The following CFAP47 variants were observed in gnomAD, a reference collection of about 807,000 sequenced individuals.
The protein encoded by CFAP47 is cilia- and flagella-associated protein 47.
CFAP47 carries 29 observed loss-of-function variants against 148.1 expected under a neutral mutation model. The ratio of observed to expected loss-of-function variants is 0.20; its 90% CI spans 0.15 to 0.27. The LOEUF is 0.27. Among genes scored for constraint, CFAP47 ranks in the 10% least tolerant of loss-of-function variants. CFAP47 has a pLI of 1.00. For missense variants in CFAP47, 1,872 were observed against 1,697.5 expected (o/e 1.10, Z -1.81); for synonymous variants, 664 against 577.3 (o/e 1.15, Z -2.15).
intron 30 of CFAP47, among the ~76,000 whole-genome samples, chrX:36,090,122 T>G (rs2146781919): frequency 8.9e-6 from 1 of 112,169 alleles, no homozygotes; most frequent in African/African-American, 3.2e-5. Context: ...TAGCCTCACA[T>G]TTATTAGACT....
intron 8 of CFAP47, among the ~76,000 whole-genome samples, chrX:35,964,056 G>A (rs1936369292): frequency 9.0e-6 from 1 of 111,686 alleles, no homozygotes; most frequent in African/African-American, 3.2e-5. Context: ...ACATTTGCCT[G>A]TGCTCTTAAT....
rs779407125 is a variant in CFAP47, at chrX:35,989,447, C to T, written c.2842C>T (p.His948Tyr). The change falls in exon 16 of 64, where the codon CAT becomes TAT. Residue 948 changes from histidine to tyrosine, a missense_variant and splice_region_variant. By Grantham distance (83) the His-to-Tyr change is moderately conservative. Transcript: ENST00000378653. The stretch of plus-strand genomic sequence containing the variant: ...CGCGTTGAAGCTAAAATGTGTTGCA[C>T]ATGTAATTATTTTCCTTGAACATGG... ...GNALKLKCVA[H>Y]LGRTKVLLLQ... The T allele has an allele frequency of 3.3e-6, 4 of 1,210,844 alleles. No individual in the cohort carries two copies. The East Asian group carries it at 1.2e-4, about 36-fold the overall frequency.
At chrX:36,139,949 A>G (rs1939111635) in intron 35 of CFAP47, among the ~76,000 whole-genome samples, 1 of 111,606 alleles carries the variant, frequency 9.0e-6, no homozygotes, top group Admixed American at 9.5e-5. Flanking sequence ...ACTGCAATCA[A>G]TAATTTTAGT....
intron 49 of CFAP47, among the ~76,000 whole-genome samples, chrX:36,263,958 G>A (rs1293698524): frequency 9.0e-6 from 1 of 111,590 alleles, no homozygotes; most frequent in African/African-American, 3.3e-5. Flanking sequence ...AGGGCCCGAG[G>A]ACTCTTCAGT....
At chrX:36,269,589 G>A (rs1332760127) in intron 49 of CFAP47, among the ~76,000 whole-genome samples, 2 of 112,376 alleles carry the variant, frequency 1.8e-5, no homozygotes, top group African/African-American at 6.5e-5. Flanking sequence ...ATACTGCTGA[G>A]CAGTGCTTGC....
rs188999095 is a variant in CFAP47, at chrX:36,103,869, A to G, written c.5128-630A>G. On this transcript the variant is annotated intron_variant, in intron 32 of 63. Coordinates refer to ENST00000378653, the MANE Select transcript of CFAP47 (RefSeq NM_001304548.2). ...ACTTTGAGTAGCTCTGTACTATAGTACTTTACTGACAGACACAGAGTTCTT... is the reference window on the plus strand; with the variant it reads ...ACTTTGAGTAGCTCTGTACTATAGTGCTTTACTGACAGACACAGAGTTCTT... Among the ~76,000 whole-genome samples, 21 of 111,872 alleles carry G rather than the reference A, an allele frequency of 1.9e-4. No homozygotes were observed. In the East Asian group the frequency reaches 4.8e-3, roughly 26 times the overall value.
chrX:36,358,863 C>T (rs1021712079), intron 60 of CFAP47, among the ~76,000 whole-genome samples: 2 of 111,587 alleles, frequency 1.8e-5, no homozygotes, highest in African/African-American at 6.5e-5. Context: ...AACCTTTACT[C>T]ATCCTTCAGT....
rs782636044 is a variant in CFAP47 at position 36,188,666 on chromosome X, G to A, written c.6151G>A (p.Asp2051Asn). 1.0e-5 allele frequency: 3 copies of A among 295,643 alleles called. No homozygotes were observed. The highest frequency in any genetic ancestry group is 1.8e-5 in the Non-Finnish European group (3 of 169,833). The allele number at this position is 295,643 out of a possible 1,213,427, so 24.4% of individuals were successfully genotyped here. A position where few individuals can be genotyped will look rare whatever the true frequency, so the allele number is the denominator to read the frequency against. Reference protein sequence around the residue: ...SGSDTDQGCSDSPNVLHTSIK... With the variant: ...SGSDTDQGCSNSPNVLHTSIK... ...GAGTGACACTGATCAGGGCTGTTCCGATTCCCCAAATGTCTTACATACCTG... is the reference window on the plus strand; with the variant it reads ...GAGTGACACTGATCAGGGCTGTTCCAATTCCCCAAATGTCTTACATACCTG... Residue 2051 changes from aspartate to asparagine, a missense_variant, in exon 41 of 64, where the codon GAT becomes AAT. By Grantham distance (23) the Asp-to-Asn change is conservative. Transcript: ENST00000378653.
intron 60 of CFAP47, among the ~76,000 whole-genome samples, chrX:36,359,735 G>A (rs1337919506): frequency 1.8e-5 from 2 of 110,908 alleles, no homozygotes; most frequent in African/African-American, 6.6e-5. Context: ...TTCATCTGAG[G>A]GTTTTTATCT....
intron 57 of CFAP47, among the ~76,000 whole-genome samples, chrX:36,329,705 T>G (rs1941548622): frequency 8.9e-6 from 1 of 111,814 alleles, no homozygotes; most frequent in African/African-American, 3.2e-5. Context: ...AGTATATAAT[T>G]TCTATAAGAT....
rs149546343 is a variant in CFAP47 at position 36,285,933 on chromosome X, C to G, written c.7686+207C>G. On this transcript the variant is annotated intron_variant, in intron 51 of 63. Transcript: ENST00000378653. ...AAAACATCTTTTAGTTATATGTTAT[C>G]TTATAGTGACTGCATTGATTAGCAT... is the stretch of plus-strand genomic sequence containing the variant. Among the ~76,000 whole-genome samples the G allele has an allele frequency of 5.2e-3, 586 of 111,675 alleles. 5 individuals are homozygous for G. The highest frequency in any genetic ancestry group is 0.018 in the African/African-American group (565 of 30,864).
intron 32 of CFAP47, 87 bp downstream of exon 32, chrX:36,099,966 G>C (rs1938346453): frequency 2.0e-6 from 1 of 503,133 alleles, no homozygotes; most frequent in African/African-American, 2.5e-5. Context: ...TGCTATGAAA[G>C]ATTCAAAAAC....
At chrX:36,366,052 G>C (rs1163522706) in intron 61 of CFAP47, among the ~76,000 whole-genome samples, 1 of 111,102 alleles carries the variant, frequency 9.0e-6, no homozygotes, top group Non-Finnish European at 1.9e-5. Context: ...TTAGCTCTTT[G>C]AGAAATTGCC....
chrX:36,199,118 T>C, intron 42 of CFAP47, among the ~76,000 whole-genome samples: 1 of 112,099 alleles, frequency 8.9e-6, no homozygotes, highest in Non-Finnish European at 1.9e-5. Context: ...TATTTGTATG[T>C]TTTTTCTGTC....
At chrX:36,013,254 A>C (rs1235614119) in intron 21 of CFAP47, among the ~76,000 whole-genome samples, 1 of 111,340 alleles carries the variant, frequency 9.0e-6, no homozygotes, top group African/African-American at 3.3e-5. Flanking sequence ...TTTGAAAATG[A>C]GGGGCTAGCA....
intron 47 of CFAP47, 57 bp from the exon 48 acceptor site, chrX:36,236,629 T>G: frequency 2.1e-6 from 1 of 483,936 alleles, no homozygotes; most frequent in Non-Finnish European, 3.7e-6. Context: ...ATAGCAGAGG[T>G]TGTTTAACAT....
At chrX:36,090,545 T>A (rs1938165916) in intron 30 of CFAP47, among the ~76,000 whole-genome samples, 1 of 111,756 alleles carries the variant, frequency 8.9e-6, no homozygotes, top group Non-Finnish European at 1.9e-5. Context: ...TATGGAAGAA[T>A]AATTTTGACA....
Position 36,167,591 on chromosome X carries a change from C to T in CFAP47, c.6026+6822C>T, listed in dbSNP as rs187047617. ...AGAGCTTCTCACGGTCTCTCAACTG[C>T]GCTTGCCCAGAACCTAGCCTTAGCA... On this transcript the variant is annotated intron_variant, in intron 39 of 63. Coordinates refer to ENST00000378653, the MANE Select transcript of CFAP47 (RefSeq NM_001304548.2). 1.5e-4 allele frequency among the ~76,000 whole-genome samples: 17 copies of T among 111,324 alleles called. No homozygotes were observed. In the East Asian group the frequency reaches 4.3e-3, roughly 28 times the overall value.
intron 3 of CFAP47, among the ~76,000 whole-genome samples, chrX:35,946,686 T>G (rs1392959898): frequency 1.8e-5 from 2 of 112,331 alleles, no homozygotes; most frequent in Non-Finnish European, 3.8e-5. Context: ...TTTTCCTAAA[T>G]TAAATGAATA....
Sources: gnomAD v4.1 joint callset for allele counts (sites outside exome capture counted in the v4.1 genomes callset) on GRCh38, gnomAD v4.1.1 for gene constraint, MANE v1.5 for transcripts, NCBI Gene and HGNC (gene_info 2026-07-23, HGNC 2026-07-21) for gene names.